Variants in IL18BP observed in about 807,000 individuals in gnomAD.
The protein encoded by IL18BP is interleukin-18-binding protein.
IL18BP carries 23 observed loss-of-function variants against 19.9 expected under a neutral mutation model. The observed-to-expected ratio is 1.15, with a 90% CI of 0.83 to 1.64. IL18BP has a LOEUF of 1.64. Among genes scored for constraint, IL18BP ranks in the 40% most tolerant of loss-of-function variants. The probability of loss-of-function intolerance (pLI) is 0.00; values close to 1 mark genes in which losing one functional copy is unlikely to be tolerated. For synonymous variants in IL18BP, 107 were observed against 101.0 expected (o/e 1.06, Z -0.35); for missense variants, 239 against 240.7 (o/e 0.99, Z 0.05).
chr11:72,005,939 G>T, downstream of IL18BP: 2 of 1,070,754 alleles, frequency 1.9e-6, no homozygotes, highest in Non-Finnish European at 1.4e-6. Context: ...AAGGAGGCCA[G>T]CCTTGGATTT....
chr11:72,005,728 C>T, downstream of IL18BP: 1 of 496,010 alleles, frequency 2.0e-6, no homozygotes, highest in South Asian at 2.8e-5. Flanking sequence ...AAGAGTCTGG[C>T]CAGCCTGGCC....
In IL18BP at chr11:72,001,525, G is replaced by C; in HGVS notation, c.480G>C (p.Gln160His). 6.2e-7 allele frequency: 1 copy of C among 1,613,380 alleles called. No individual in the cohort carries two copies. Among genetic ancestry groups the C allele is most frequent in the Non-Finnish European group, 8.5e-7 (1 of 1,179,682 alleles). Residue 160 changes from glutamine (Q) to histidine (H), a missense_variant, in exon 5 of 6, where the codon CAG becomes CAC. Coordinates refer to ENST00000393703, the MANE Select transcript of IL18BP (RefSeq NM_001039660.2). ...CVLVDPEQVV[Q>H]RHVVLAQLWA... ...TCGTGGACCCTGAACAGGTTGTCCAGCGTCACGTCGTCCTGGCCCAGCTCT... is the reference window on the plus strand; with the variant it reads ...TCGTGGACCCTGAACAGGTTGTCCACCGTCACGTCGTCCTGGCCCAGCTCT...
downstream of IL18BP, chr11:72,003,140 G>C: frequency 3.5e-6 from 1 of 287,602 alleles, no homozygotes. Context: ...CAGCCACCAG[G>C]ACAGCAGGAA....
At chr11:72,000,089 G>C in intron 2 of IL18BP, 77 bp downstream of exon 2, 1 of 1,518,168 alleles carries the variant, frequency 6.6e-7, no homozygotes, top group Non-Finnish European at 9.1e-7. Flanking sequence ...GGCTAACCCG[G>C]AGCCTTCACT....
At chr11:71,999,243 T>A (rs1464683424) in intron 1 of IL18BP, 1 of 455,808 alleles carries the variant, frequency 2.2e-6, no homozygotes, top group Non-Finnish European at 4.4e-6. Context: ...AGGAAAGTTG[T>A]CCCCTTGAAT....
At chr11:72,006,582 C>T (rs1010962444), downstream of IL18BP, among the ~76,000 whole-genome samples, 5 of 152,216 alleles carry the variant, frequency 3.3e-5, no homozygotes, top group African/African-American at 1.2e-4. Context: ...AGCCCCAAAT[C>T]ACACTGCTAG....
At chr11:72,000,978 C>T (rs1409011734) in intron 3 of IL18BP, among the ~76,000 whole-genome samples, 1 of 152,202 alleles carries the variant, frequency 6.6e-6, no homozygotes, top group Non-Finnish European at 1.5e-5. Context: ...GGATTCATCA[C>T]GTGAACCAAG....
At chr11:72,007,352 A>T, downstream of IL18BP, 1 of 1,613,578 alleles carries the variant, frequency 6.2e-7, no homozygotes, top group Non-Finnish European at 8.5e-7. Context: ...CAGGGATTCT[A>T]CCTTGGGGGG....
chr11:72,001,334 G>A lies in IL18BP; in HGVS notation c.359+10G>A, dbSNP rs751773744. ...GGGAGGGGAGCACCAGGTGAGGGTC[G>A]CAGCAGCCAGGTGGGTGGGAAGGAG... is the stretch of plus-strand genomic sequence containing the variant. On this transcript the variant is annotated intron_variant, in intron 4 of 5. Transcript: ENST00000393703. 1.1e-5 allele frequency: 18 copies of A among 1,614,100 alleles called. No homozygotes were observed. Among genetic ancestry groups the A allele is most frequent in the Admixed American group, 3.3e-5 (2 of 60,008 alleles).
chr11:72,006,196 G>A (rs1352413059), downstream of IL18BP: 3 of 1,614,178 alleles, frequency 1.9e-6, no homozygotes, highest in African/African-American at 1.3e-5. Context: ...GCTAGCCTGG[G>A]AAGCAGGAGC....
At chr11:72,003,955 T>C (rs1301319131), downstream of IL18BP, 3 of 1,613,298 alleles carry the variant, frequency 1.9e-6, no homozygotes, top group South Asian at 1.1e-5. Flanking sequence ...GTGGTGGCAA[T>C]GCGCGGAGAA....
At chr11:72,007,124 T>G (rs1590864550), downstream of IL18BP, 2 of 1,582,422 alleles carry the variant, frequency 1.3e-6, no homozygotes, top group East Asian at 4.5e-5. Context: ...GAGTGCCCAG[T>G]GCAAAGATGC....
At chr11:72,006,982 G>C (rs1197318960), downstream of IL18BP, among the ~76,000 whole-genome samples, 1 of 152,232 alleles carries the variant, frequency 6.6e-6, no homozygotes, top group Non-Finnish European at 1.5e-5. Context: ...CCTTAGTCAG[G>C]AGGCAGGGAT....
chr11:72,004,241 G>A (rs761541555), downstream of IL18BP: 4 of 1,611,548 alleles, frequency 2.5e-6, no homozygotes, highest in Non-Finnish European at 3.4e-6. Flanking sequence ...AGTAGAAGCT[G>A]GAGCTGCTTT....
At chr11:72,003,608 A>T (rs74546834), downstream of IL18BP, 4,049 of 1,587,540 alleles carry the variant, frequency 2.6e-3, 26 homozygotes, top group East Asian at 0.032. Flanking sequence ...GGCTGGGAAG[A>T]TCTCTTCCTG....
At chr11:72,004,552 GGA>G (rs1955543568), downstream of IL18BP, 2 of 1,384,388 alleles carry the variant, frequency 1.4e-6, no homozygotes, top group African/African-American at 1.4e-5. Flanking sequence ...AGTGAGGGAA[GGA>G]GAGAGAAGGC....
intron 2 of IL18BP, 43 bp downstream of exon 2, chr11:72,000,055 G>A (rs368158639): frequency 6.2e-7 from 1 of 1,608,972 alleles, no homozygotes. Flanking sequence ...GTAGGGTGAG[G>A]TCTATGAACA....
At chr11:72,004,887 A>G, downstream of IL18BP, 1 of 1,413,872 alleles carries the variant, frequency 7.1e-7, no homozygotes, top group Non-Finnish European at 9.5e-7. Flanking sequence ...GGGCTGTCCC[A>G]GAACTCTACA....
At position 72,000,550 on chromosome 11, in the gene IL18BP, G is replaced by C; in HGVS notation, c.228G>C (p.Val76=). ...ALEVTWPEVE[V]PLNGTLSLSC... is the part of the protein sequence containing the mutation. ...AAGTGACCTGGCCAGAGGTGGAAGTGCCACTGAGTAAGAAGCACAGTGGTG... is the reference window on the plus strand; with the variant it reads ...AAGTGACCTGGCCAGAGGTGGAAGTCCCACTGAGTAAGAAGCACAGTGGTG... The change falls in exon 3 of 6, where the codon GTG becomes GTC. Residue 76 remains valine, a synonymous_variant. Coordinates refer to ENST00000393703, the MANE Select transcript of IL18BP (RefSeq NM_001039660.2). The C allele has an allele frequency of 6.2e-7, 1 of 1,610,098 alleles. No individual in the cohort carries two copies. Among genetic ancestry groups the C allele is most frequent in the Non-Finnish European group, 8.5e-7 (1 of 1,179,804 alleles).
Sources: gnomAD v4.1 joint callset for allele counts (sites outside exome capture counted in the v4.1 genomes callset) on GRCh38, gnomAD v4.1.1 for gene constraint, MANE v1.5 for transcripts, NCBI Gene and HGNC (gene_info 2026-07-23, HGNC 2026-07-21) for gene names.